Variants in ZNF560 observed in about 807,000 individuals in gnomAD.
The protein encoded by ZNF560 is zinc finger protein 560.
Under a neutral mutation model 81.8 loss-of-function variants are expected in ZNF560, and 54 were observed. That is an observed-to-expected ratio of 0.66 (90% CI 0.53 to 0.83). The LOEUF (loss-of-function observed/expected upper bound fraction) is 0.83, where lower values mean the gene tolerates loss of function less well. Among genes scored for constraint, ZNF560 ranks in the 40% least tolerant of loss-of-function variants. The pLI is 0.00. For synonymous variants in ZNF560, 321 were observed against 317.9 expected (o/e 1.01, Z -0.10); for missense variants, 940 against 932.4 (o/e 1.01, Z -0.11).
upstream of ZNF560, among the ~76,000 whole-genome samples, chr19:9,502,258 C>G (rs2073639317): frequency 6.6e-6 from 1 of 152,030 alleles, no homozygotes; most frequent in African/African-American, 2.4e-5. Context: ...TGTTGCCAGG[C>G]TGGAGTGTAG....
the ZNF560 span, among the ~76,000 whole-genome samples, chr19:9,455,555 T>G: frequency 1.3e-5 from 2 of 152,288 alleles, no homozygotes; most frequent in East Asian, 3.9e-4. Flanking sequence ...AAAAAATCTC[T>G]TCAGGTGGAG....
rs1176387979 is a variant in ZNF560 at position 9,467,870 on chromosome 19, G to A, written c.1077C>T (p.Tyr359=). 1 of 1,614,168 alleles carries A rather than the reference G, an allele frequency of 6.2e-7. No individual in the cohort carries two copies. The highest frequency in any genetic ancestry group is 1.7e-5 in the Admixed American group (1 of 60,024). ...ECKECGKDFR[Y]PTHLNNHMQT... ...GCATGTGATTATTAAGGTGGGTAGG[G>A]TATCTAAAATCTTTTCCACATTCCT... The change falls in exon 10 of 10, where the codon TAC becomes TAT. Residue 359 remains tyrosine (Y), a synonymous_variant. Transcript: ENST00000301480.
Position 9,472,943 on chromosome 19 carries a change from C to G in ZNF560, c.238+236G>C, listed in dbSNP as rs78538169. On this transcript the variant is annotated intron_variant, in intron 5 of 9. Transcript: ENST00000301480. ...CTCCCTTTCTCATCATGTAATTTGTCTGCTCCTCCTTTGCCTTCTGCCATG... is the reference window on the plus strand; with the variant it reads ...CTCCCTTTCTCATCATGTAATTTGTGTGCTCCTCCTTTGCCTTCTGCCATG... 2.6e-5 allele frequency among the ~76,000 whole-genome samples: 4 copies of G among 152,288 alleles called. No homozygotes were observed. In the East Asian group the frequency reaches 7.7e-4, roughly 29 times the overall value.
chr19:9,474,821 G>T (rs2073174869), intron 3 of ZNF560, among the ~76,000 whole-genome samples: 1 of 133,716 alleles, frequency 7.5e-6, no homozygotes, highest in East Asian at 2.2e-4. Context: ...ACCATGCCTG[G>T]CATTTTTTTT....
At chr19:9,490,734 T>C (rs1444019976) in intron 2 of ZNF560, among the ~76,000 whole-genome samples, 1 of 152,184 alleles carries the variant, frequency 6.6e-6, no homozygotes, top group Non-Finnish European at 1.5e-5. Flanking sequence ...AATGTAAGTC[T>C]TGGAATATTG....
chr19:9,475,156 G>C (rs996484415), intron 3 of ZNF560, 128 bp downstream of exon 3: 7 of 910,306 alleles, frequency 7.7e-6, no homozygotes, highest in Non-Finnish European at 1.2e-5. Flanking sequence ...AATTCAACAA[G>C]TGACTCAGTG....
intron 2 of ZNF560, among the ~76,000 whole-genome samples, chr19:9,480,260 C>T (rs948429926): frequency 2.6e-5 from 4 of 152,080 alleles, no homozygotes; most frequent in Admixed American, 2.6e-4. Flanking sequence ...CAAGTCTTAA[C>T]AAATTTAAGA....
At position 9,473,186 on chromosome 19, in the gene ZNF560, A is replaced by G; in HGVS notation, c.231T>C (p.Val77=). The part of the protein sequence containing the change: ...EEELRTLQQG[V]LQDWAIKHQT... ...TTCTTCACAAATACTCACCTTGGAG[A>G]ACTCCTTGCTGCAAGGTTCTCAACT... is the stretch of plus-strand genomic sequence containing the variant. Residue 77 remains valine, a synonymous_variant, in exon 5 of 10, where the codon GTT becomes GTC. Coordinates refer to ENST00000301480, the MANE Select transcript of ZNF560 (RefSeq NM_152476.3). 2 of 1,613,888 alleles carry G rather than the reference A, an allele frequency of 1.2e-6. No individual in the cohort carries two copies. The highest frequency in any genetic ancestry group is 1.7e-6 in the Non-Finnish European group (2 of 1,179,780).
intron 2 of ZNF560, among the ~76,000 whole-genome samples, chr19:9,491,377 C>T (rs2073470283): frequency 6.6e-6 from 1 of 152,092 alleles, no homozygotes; most frequent in South Asian, 2.1e-4. Context: ...CTGCCTTGGC[C>T]TCCCAAAGTG....
At chr19:9,471,588 ATTTAGATTT>A (rs2073123910) in intron 5 of ZNF560, among the ~76,000 whole-genome samples, 1 of 152,212 alleles carries the variant, frequency 6.6e-6, no homozygotes, top group African/African-American at 2.4e-5. Flanking sequence ...AAATTGACTC[ATTTAGATTT>A]AAAACTAATG....
intron 2 of ZNF560, among the ~76,000 whole-genome samples, chr19:9,483,674 T>TG (rs916534420): frequency 3.6e-5 from 5 of 137,932 alleles, no homozygotes; most frequent in Non-Finnish European, 6.3e-5. Context: ...GGGAGGGAGG[T>TG]GGGGGGCGCC....
intron 2 of ZNF560, among the ~76,000 whole-genome samples, chr19:9,492,683 G>A (rs909622477): frequency 6.6e-6 from 1 of 152,198 alleles, no homozygotes. Context: ...CCAACTGGGA[G>A]ACAACCTCTG....
the ZNF560 span, among the ~76,000 whole-genome samples, chr19:9,461,062 G>T: frequency 2.7e-5 from 4 of 150,874 alleles, no homozygotes; most frequent in Admixed American, 1.3e-4. Flanking sequence ...ATGGCCCGCT[G>T]TAGGAGCTAA....
intron 2 of ZNF560, 73 bp from the exon 3 acceptor site, chr19:9,475,442 C>A: frequency 2.5e-6 from 2 of 808,714 alleles, no homozygotes; most frequent in Non-Finnish European, 4.0e-6. Context: ...GAAGTTATTC[C>A]AACCTGGTTC....
At chr19:9,492,007 G>GA (rs397944124) in intron 2 of ZNF560, among the ~76,000 whole-genome samples, 4 of 148,566 alleles carry the variant, frequency 2.7e-5, no homozygotes, top group African/African-American at 9.9e-5. Context: ...GGGGGGACAG[G>GA]TCTCACTCTG....
At chr19:9,501,428 G>A (rs936226590), upstream of ZNF560, among the ~76,000 whole-genome samples, 15 of 147,658 alleles carry the variant, frequency 1.0e-4, no homozygotes, top group South Asian at 2.2e-4. Context: ...GTGTGATCTC[G>A]GCTCACCACA....
chr19:9,502,295 T>C (rs1390652321), upstream of ZNF560, among the ~76,000 whole-genome samples: 1 of 152,012 alleles, frequency 6.6e-6, no homozygotes, highest in Non-Finnish European at 1.5e-5. Context: ...CACTGCAACT[T>C]CCACCTCCCA....
intron 2 of ZNF560, among the ~76,000 whole-genome samples, chr19:9,493,220 C>T (rs2073499946): frequency 6.7e-6 from 1 of 149,012 alleles, no homozygotes; most frequent in Admixed American, 6.8e-5. Context: ...TGAGTCACTC[C>T]ATCAGGTACA....
chr19:9,483,235 T>C (rs146257736), intron 2 of ZNF560, among the ~76,000 whole-genome samples: 22,310 of 149,130 alleles, frequency 0.15, 2,416 homozygotes, highest in African/African-American at 0.31. Flanking sequence ...TCTGCCCGGC[T>C]GCCCACCATC....
Sources: gnomAD v4.1 joint callset for allele counts (sites outside exome capture counted in the v4.1 genomes callset) on GRCh38, gnomAD v4.1.1 for gene constraint, MANE v1.5 for transcripts, NCBI Gene and HGNC (gene_info 2026-07-23, HGNC 2026-07-21) for gene names.